Variants in SEZ6L observed in about 807,000 individuals in gnomAD.
SEZ6L encodes the protein seizure 6-like protein.
SEZ6L carries 37 observed loss-of-function variants against 106.2 expected under a neutral mutation model. The observed-to-expected ratio is 0.35, with a 90% CI of 0.27 to 0.46. The LOEUF (loss-of-function observed/expected upper bound fraction) is 0.46. Among genes scored for constraint, SEZ6L ranks in the 20% least tolerant of loss-of-function variants. SEZ6L has a pLI of 1.00. For synonymous variants in SEZ6L, 541 were observed against 570.4 expected (o/e 0.95, Z 0.73); for missense variants, 1,172 against 1,332.8 (o/e 0.88, Z 1.88).
At chr22:26,170,615 A>G (rs1938522341) in intron 1 of SEZ6L, among the ~76,000 whole-genome samples, 1 of 152,128 alleles carries the variant, frequency 6.6e-6, no homozygotes, top group Admixed American at 6.5e-5. Context: ...AAGGTACCCC[A>G]GGAAAAGTTA....
chr22:26,264,544 A>T (rs2080115885), intron 1 of SEZ6L, among the ~76,000 whole-genome samples: 1 of 152,228 alleles, frequency 6.6e-6, no homozygotes, highest in Non-Finnish European at 1.5e-5. Context: ...ACATGGTAAT[A>T]TCATATGTTT....
Position 26,274,034 on chromosome 22 carries a change from A to T in SEZ6L, c.95-18372A>T, listed in dbSNP as rs185818394. On this transcript the variant is annotated intron_variant, in intron 1 of 16. Coordinates refer to ENST00000248933, the MANE Select transcript of SEZ6L (RefSeq NM_021115.5). ...CCCAAAAGAGAAATTGTACCTTAGGATCACCCATCCATAGAACACGAGATC... is the reference window on the plus strand; with the variant it reads ...CCCAAAAGAGAAATTGTACCTTAGGTTCACCCATCCATAGAACACGAGATC... Among the ~76,000 whole-genome samples, 11 of 152,274 alleles carry T rather than the reference A, an allele frequency of 7.2e-5. No homozygotes were observed. In the East Asian group the frequency reaches 2.1e-3, roughly 29 times the overall value.
intron 1 of SEZ6L, among the ~76,000 whole-genome samples, chr22:26,209,528 G>T (rs1347002841): frequency 6.6e-6 from 1 of 151,418 alleles, no homozygotes. Context: ...AAAGAAAGAG[G>T]AAAGAGGAAG....
chr22:26,301,062 G>C (rs1030674563), intron 5 of SEZ6L, among the ~76,000 whole-genome samples: 5 of 152,246 alleles, frequency 3.3e-5, no homozygotes, highest in Admixed American at 1.3e-4. Context: ...CACCGTGCCA[G>C]AGGCTGCATT....
At chr22:26,184,174 A>C (rs1478791943) in intron 1 of SEZ6L, among the ~76,000 whole-genome samples, 1 of 152,186 alleles carries the variant, frequency 6.6e-6, no homozygotes, top group African/African-American at 2.4e-5. Context: ...GTCAGCATGC[A>C]GCCCATATTG....
intron 1 of SEZ6L, among the ~76,000 whole-genome samples, chr22:26,235,041 T>C (rs1322053489): frequency 6.6e-6 from 1 of 152,224 alleles, no homozygotes; most frequent in Non-Finnish European, 1.5e-5. Context: ...TCTCACCATA[T>C]TGCGTGTTCA....
intron 6 of SEZ6L, among the ~76,000 whole-genome samples, chr22:26,310,303 A>C (rs1188374168): frequency 1.3e-5 from 2 of 152,198 alleles, no homozygotes; most frequent in African/African-American, 4.8e-5. Flanking sequence ...TGGGAGGCCA[A>C]GGCGGGTGGA....
Position 26,292,555 on chromosome 22 carries a change from G to C in SEZ6L, c.244G>C (p.Glu82Gln). ...CTCACAGTCGGCGGAAGTGCTGGGCGAGCTGGTGCTGGATGGGACCGCACC... is the reference window on the plus strand; with the variant it reads ...CTCACAGTCGGCGGAAGTGCTGGGCCAGCTGGTGCTGGATGGGACCGCACC... ...SSSQSAEVLG[E>Q]LVLDGTAPSA... is the part of the protein sequence containing the mutation. The change falls in exon 2 of 17, where the codon GAG becomes CAG. Residue 82 changes from glutamate to glutamine, a missense_variant. By Grantham distance (29) the Glu-to-Gln change is conservative. Coordinates refer to ENST00000248933, the MANE Select transcript of SEZ6L (RefSeq NM_021115.5). 6.2e-7 allele frequency: 1 copy of C among 1,613,822 alleles called. No individual in the cohort carries two copies. The highest frequency in any genetic ancestry group is 1.1e-5 in the South Asian group (1 of 90,988).
chr22:26,210,560 G>A (rs1259352898), intron 1 of SEZ6L, among the ~76,000 whole-genome samples: 1 of 152,196 alleles, frequency 6.6e-6, no homozygotes, highest in African/African-American at 2.4e-5. Context: ...GGCCTAGTCA[G>A]CTTCCCTGGG....
At chr22:26,170,658 G>A (rs1321006147) in intron 1 of SEZ6L, among the ~76,000 whole-genome samples, 1 of 152,132 alleles carries the variant, frequency 6.6e-6, no homozygotes, top group East Asian at 1.9e-4. Flanking sequence ...AGAGAGAGGG[G>A]TGCAACGCCT....
chr22:26,312,389 C>T (rs2081866241), intron 8 of SEZ6L, among the ~76,000 whole-genome samples: 1 of 152,176 alleles, frequency 6.6e-6, no homozygotes. Flanking sequence ...TTCAACCTCA[C>T]CATAGCCTTA....
intron 1 of SEZ6L, among the ~76,000 whole-genome samples, chr22:26,289,858 T>A (rs1431807316): frequency 6.6e-6 from 1 of 152,208 alleles, no homozygotes; most frequent in African/African-American, 2.4e-5. Context: ...CAAGGACAGC[T>A]ATCAGTCCGA....
At chr22:26,252,046 T>G (rs1176132372) in intron 1 of SEZ6L, among the ~76,000 whole-genome samples, 6 of 152,064 alleles carry the variant, frequency 3.9e-5, no homozygotes, top group East Asian at 1.9e-4. Context: ...AGCAGCAGCA[T>G]CAGCGACAGC....
chr22:26,241,940 G>C (rs1314011238), intron 1 of SEZ6L, among the ~76,000 whole-genome samples: 2 of 152,192 alleles, frequency 1.3e-5, no homozygotes, highest in African/African-American at 4.8e-5. Context: ...ATGGTTAAGG[G>C]ACTTGGTGCA....
chr22:26,346,360 T>C (rs892511325), intron 10 of SEZ6L, among the ~76,000 whole-genome samples: 1 of 152,242 alleles, frequency 6.6e-6, no homozygotes, highest in Non-Finnish European at 1.5e-5. Flanking sequence ...TTTTGATAGC[T>C]AATTATTTCT....
intron 9 of SEZ6L, among the ~76,000 whole-genome samples, chr22:26,332,661 A>T (rs4820675): frequency 0.1 from 15,888 of 152,122 alleles, 887 homozygotes; most frequent in Middle Eastern, 0.17. Context: ...TTGCCCAGGC[A>T]GGTCTTGAAC....
intron 1 of SEZ6L, among the ~76,000 whole-genome samples, chr22:26,221,595 C>G (rs1017503722): frequency 1.3e-5 from 2 of 152,214 alleles, no homozygotes; most frequent in Admixed American, 1.3e-4. Context: ...AGCAAGCACT[C>G]GCTCGTGTCA....
At chr22:26,300,724 C>A (rs7293127) in intron 5 of SEZ6L, among the ~76,000 whole-genome samples, 12,058 of 152,226 alleles carry the variant, frequency 0.079, 579 homozygotes, top group Middle Eastern at 0.12. Context: ...CCTGAGGAAT[C>A]GCCACACTGA....
chr22:26,315,213 C>T (rs918225580), intron 9 of SEZ6L, among the ~76,000 whole-genome samples: 4 of 152,204 alleles, frequency 2.6e-5, no homozygotes, highest in African/African-American at 9.7e-5. Context: ...GGTGCGGTGG[C>T]TCATGCCTAC....
Sources: allele counts gnomAD v4.1 joint callset (sites outside exome capture counted in the v4.1 genomes callset), GRCh38; gene constraint gnomAD v4.1.1; transcripts MANE v1.5; gene names NCBI Gene and HGNC (gene_info 2026-07-23, HGNC 2026-07-21).